Variants in GRAMD4 observed in about 807,000 individuals in gnomAD.
The protein encoded by GRAMD4 is GRAM domain containing 4.
Under a neutral mutation model 83.9 loss-of-function variants are expected in GRAMD4, and 25 were observed. The observed-to-expected ratio is 0.30, with a 90% CI of 0.22 to 0.42. The LOEUF is 0.42. Ranked by LOEUF, GRAMD4 falls within the 10% of genes least tolerant of loss-of-function variation. GRAMD4 has a pLI of 1.00. For synonymous variants in GRAMD4, 336 were observed against 320.9 expected (o/e 1.05, Z -0.50); for missense variants, 593 against 788.7 (o/e 0.75, Z 2.97).
chr22:46,675,610 G>C, intron 17 of GRAMD4, 58 bp downstream of exon 17: 1 of 1,110,046 alleles, frequency 9.0e-7, no homozygotes, highest in Non-Finnish European at 1.4e-6. Flanking sequence ...CCTGACAGAG[G>C]CTGGCGAGGC....
At chr22:46,640,199 T>C (rs7287139) in intron 3 of GRAMD4, among the ~76,000 whole-genome samples, 49,085 of 152,006 alleles carry the variant, frequency 0.32, 8,446 homozygotes, top group African/African-American at 0.37. Flanking sequence ...TGAGTTGAAG[T>C]GGTTGAATAT....
intron 1 of GRAMD4, among the ~76,000 whole-genome samples, chr22:46,608,712 A>G (rs2081388949): frequency 6.6e-6 from 1 of 150,950 alleles, no homozygotes; most frequent in African/African-American, 2.4e-5. Flanking sequence ...TGGCCAATAT[A>G]TATATTTTTT....
intron 6 of GRAMD4, among the ~76,000 whole-genome samples, chr22:46,663,547 A>C (rs2082362756): frequency 6.6e-6 from 1 of 152,178 alleles, no homozygotes; most frequent in Admixed American, 6.5e-5. Flanking sequence ...TAGGTCAGCA[A>C]AGGCCCTGCC....
In GRAMD4 at chr22:46,595,505, C is replaced by T. The variant is rs1461539859; in HGVS notation, c.-50+18215C>T. Among the ~76,000 whole-genome samples the T allele has an allele frequency of 2.6e-5, 4 of 152,216 alleles. No homozygotes were observed. The East Asian group carries it at 7.7e-4, about 29-fold the overall frequency. On this transcript the variant is annotated intron_variant, in intron 1 of 1. Transcript: ENST00000431155. ...TTCTGGGCCTGGTGGTCAGTATGGGCACAGAGGTGCAGGGGTAGAGGATTC... is the reference window on the plus strand; with the variant it reads ...TTCTGGGCCTGGTGGTCAGTATGGGTACAGAGGTGCAGGGGTAGAGGATTC...
chr22:46,655,989 G>C (rs28560137), intron 3 of GRAMD4, among the ~76,000 whole-genome samples: 3 of 152,070 alleles, frequency 2.0e-5, no homozygotes, highest in Admixed American at 2.0e-4. Flanking sequence ...GGCGGGGAGG[G>C]GGAGCTCTGG....
intron 1 of GRAMD4, among the ~76,000 whole-genome samples, chr22:46,591,330 C>A (rs950229300): frequency 6.6e-6 from 1 of 151,932 alleles, no homozygotes; most frequent in East Asian, 1.9e-4. Flanking sequence ...ACGGCCTGGG[C>A]AACATAGTGA....
Position 46,678,464 on chromosome 22 carries a change from C to A in GRAMD4, c.*1213C>A, listed in dbSNP as rs1216332930. 2.0e-6 allele frequency: 2 copies of A among 985,202 alleles called. No individual in the cohort carries two copies. The highest frequency in any genetic ancestry group is 2.4e-6 in the Non-Finnish European group (2 of 829,922). 61.0% of individuals were successfully genotyped at this position (985,202 alleles called of 1,614,324 possible). A position where few individuals can be genotyped will look rare whatever the true frequency, so the allele number is the denominator to read the frequency against. On this transcript the variant is annotated 3_prime_UTR_variant, in exon 19 of 19. Transcript: ENST00000406902. ...AACAAGGTGGCATTTGTGGAGGGAG[C>A]GCCCGCAGGCCTGGTCTGCTGGGGC...
chr22:46,655,875 T>C (rs1236970551), intron 3 of GRAMD4, among the ~76,000 whole-genome samples: 1 of 135,214 alleles, frequency 7.4e-6, no homozygotes, highest in Non-Finnish European at 1.6e-5. Flanking sequence ...AGGCACCGGC[T>C]TCAGCTAACG....
Position 46,675,394 on chromosome 22 carries a change from C to T in GRAMD4, c.1479-74C>T, listed in dbSNP as rs570465541. 842 of 1,008,856 alleles carry T rather than the reference C, an allele frequency of 8.3e-4. 1 individual carries two copies. Among genetic ancestry groups the T allele is most frequent in the Admixed American group, 1.5e-3 (89 of 58,886 alleles). 62.5% of individuals were successfully genotyped at this position (1,008,856 alleles called of 1,614,324 possible). On this transcript the variant is annotated intron_variant, in intron 16 of 18. Transcript: ENST00000406902. ...CCCACTGGGGGCTGAGAGGCAGCCC[C>T]GGGAGACCCCCACCTGGTGGGAGCG...
Position 46,659,988 on chromosome 22 carries a change from C to T in GRAMD4, c.405-1393C>T, listed in dbSNP as rs781372054. Among the ~76,000 whole-genome samples, 5 of 152,218 alleles carry T rather than the reference C, an allele frequency of 3.3e-5. No homozygotes were observed. The highest frequency in any genetic ancestry group is 7.3e-5 in the Non-Finnish European group (5 of 68,036). On this transcript the variant is annotated intron_variant, in intron 4 of 18. Transcript: ENST00000406902. This position sits in a 1 kb window ranked among gnomAD's most constrained non-coding sequence, Gnocchi z 4.1. ...CAGGCATTTGGCCACAGTGCCATCC[C>T]CGCCACGGGACGCTGCTTCTCCCCC...
At chr22:46,663,963 G>T (rs2082370088) in intron 7 of GRAMD4, 63 bp from the exon 8 acceptor site, 1 of 1,574,482 alleles carries the variant, frequency 6.4e-7, no homozygotes, top group South Asian at 1.1e-5. Flanking sequence ...GACTCTCCAG[G>T]GAGACGTGGT....
intron 2 of GRAMD4, among the ~76,000 whole-genome samples, chr22:46,630,417 T>G (rs2081750728): frequency 1.3e-5 from 2 of 152,202 alleles, no homozygotes; most frequent in South Asian, 4.1e-4. Context: ...GATTGAGTGT[T>G]TGTGTGCATG....
At chr22:46,671,508 T>C (rs1014042253) in intron 13 of GRAMD4, among the ~76,000 whole-genome samples, 1 of 145,846 alleles carries the variant, frequency 6.9e-6, no homozygotes, top group Non-Finnish European at 1.5e-5. Flanking sequence ...TAAAAAAAAT[T>C]AGCCAGGCAT....
chr22:46,629,406 G>T (rs184177770), intron 2 of GRAMD4, among the ~76,000 whole-genome samples: 126 of 152,298 alleles, frequency 8.3e-4, no homozygotes, highest in African/African-American at 2.7e-3. Context: ...GTGAAATACT[G>T]ATTCGCTAAA....
intron 3 of GRAMD4, among the ~76,000 whole-genome samples, chr22:46,653,508 A>T (rs1601641398): frequency 6.6e-6 from 1 of 152,150 alleles, no homozygotes; most frequent in Non-Finnish European, 1.5e-5. Flanking sequence ...TCCAGGAGGG[A>T]CCCGTGTCCG....
chr22:46,606,998 A>G (rs2081371907), intron 1 of GRAMD4, among the ~76,000 whole-genome samples: 1 of 152,210 alleles, frequency 6.6e-6, no homozygotes, highest in South Asian at 2.1e-4. Context: ...AGCTGTGGGC[A>G]CTGGAAGCAG....
chr22:46,672,574 A>T lies in GRAMD4; in HGVS notation c.1085-269A>T, dbSNP rs917335308. 2.7e-5 allele frequency among the ~76,000 whole-genome samples: 4 copies of T among 150,396 alleles called. No individual in the cohort carries two copies. The highest frequency in any genetic ancestry group is 5.9e-5 in the Non-Finnish European group (4 of 67,658). ...GAGGGGCATTGGATGGGGGGGTCCT[A>T]GCAGAGCTGAGGGGTCTTAGTGGGA... On this transcript the variant is annotated intron_variant, in intron 13 of 18. Coordinates refer to ENST00000406902, the MANE Select transcript of GRAMD4 (RefSeq NM_015124.5). The surrounding 1 kb of genome is among the most constrained non-coding windows in gnomAD (Gnocchi z 4.7).
Position 46,639,935 on chromosome 22 carries a change from TG to T in GRAMD4, c.283+1977del, listed in dbSNP as rs1299868573. On this transcript the variant is annotated intron_variant, in intron 3 of 18. Transcript: ENST00000406902. ...GGTTCAGTCCTCCCGATGACCGTCC[TG>T]GTGACCTGCCGCCTGCGACCTCACC... is the stretch of plus-strand genomic sequence containing the variant. 3.3e-5 allele frequency among the ~76,000 whole-genome samples: 5 copies of T among 152,252 alleles called. No homozygotes were observed. The East Asian group carries it at 9.7e-4, about 29-fold the overall frequency.
At chr22:46,625,146 C>T (rs1294792149) in intron 1 of GRAMD4, among the ~76,000 whole-genome samples, 1 of 152,220 alleles carries the variant, frequency 6.6e-6, no homozygotes, top group African/African-American at 2.4e-5. Context: ...AGGCGTGAGC[C>T]ACCGCGCCCA....
Sources: gnomAD v4.1 joint callset for allele counts (sites outside exome capture counted in the v4.1 genomes callset) on GRCh38, gnomAD v4.1.1 for gene constraint, Gnocchi (gnomAD v3.1) non-coding constraint, MANE v1.5 for transcripts, NCBI Gene and HGNC (gene_info 2026-07-23, HGNC 2026-07-21) for gene names.